The following SENP7 variants were observed in gnomAD, a reference collection of about 807,000 sequenced individuals.
The protein encoded by SENP7 is SUMO specific peptidase 7.
In SENP7, 64 loss-of-function variants were observed where a neutral mutation model predicts 141.2. The ratio of observed to expected loss-of-function variants is 0.45; its 90% CI spans 0.37 to 0.56. The LOEUF (loss-of-function observed/expected upper bound fraction) is 0.56. Among genes scored for constraint, SENP7 ranks in the 20% least tolerant of loss-of-function variants. SENP7 has a pLI of 0.00. For synonymous variants in SENP7, 382 were observed against 426.4 expected, an observed-to-expected ratio of 0.90 and a Z score of 1.28; for missense variants, 1,025 against 1,212.2, an observed-to-expected ratio of 0.85 and a Z score of 2.29.
intron 6 of SENP7, among the ~76,000 whole-genome samples, chr3:101,384,868 A>G (rs2060608317): frequency 6.6e-6 from 1 of 152,216 alleles, no homozygotes; most frequent in African/African-American, 2.4e-5. Flanking sequence ...CCAGAAGCAG[A>G]TGCTGCTATG....
chr3:101,372,126 C>A lies in SENP7; in HGVS notation c.678G>T (p.Arg226Ser). 1 of 1,513,410 alleles carries A rather than the reference C, an allele frequency of 6.6e-7. No homozygotes were observed. Among genetic ancestry groups the A allele is most frequent in the Non-Finnish European group, 9.0e-7 (1 of 1,111,818 alleles). The allele number at this position is 1,513,410 out of a possible 1,614,324, so 93.7% of individuals were successfully genotyped here. The change falls in exon 7 of 24, where the codon AGG (arginine) becomes AGT (serine). Residue 226 changes from arginine to serine, a missense_variant and splice_region_variant. Arg to Ser is a moderately radical substitution (Grantham distance 110, BLOSUM62 -1). Around this residue, in one of 4 missense-constraint regions of SENP7, gnomAD observed 496 missense variants for 503.5 expected, o/e 0.99. Coordinates refer to ENST00000394095, the MANE Select transcript of SENP7 (RefSeq NM_020654.5). ...NPHKSCYLSE[R>S]GSQRSKTVDD... ...CTACTGTCTTACTTCGTTGTGAGCCCCTGCAAAAGAGAACTGTATTATACT... is the reference window on the plus strand; with the variant it reads ...CTACTGTCTTACTTCGTTGTGAGCCACTGCAAAAGAGAACTGTATTATACT...
chr3:101,504,575 G>C (rs1000554756), intron 1 of SENP7, among the ~76,000 whole-genome samples: 1 of 152,048 alleles, frequency 6.6e-6, no homozygotes, highest in African/African-American at 2.4e-5. Context: ...TTAAATAAGT[G>C]ATAAGAAAGT....
intron 3 of SENP7, among the ~76,000 whole-genome samples, chr3:101,481,483 G>A (rs1236219775): frequency 6.6e-6 from 1 of 152,148 alleles, no homozygotes; most frequent in Non-Finnish European, 1.5e-5. Flanking sequence ...TAGAGGCTGG[G>A]AAGGGTGTAG....
chr3:101,371,056 G>A (rs1294817572), intron 7 of SENP7, among the ~76,000 whole-genome samples: 1 of 152,164 alleles, frequency 6.6e-6, no homozygotes, highest in Non-Finnish European at 1.5e-5. Flanking sequence ...TTGGGAAGCC[G>A]AGGCAGGCAG....
intron 11 of SENP7, chr3:101,358,759 C>A: frequency 6.4e-6 from 1 of 155,428 alleles, no homozygotes; most frequent in Non-Finnish European, 1.4e-5. Flanking sequence ...CTCGGCCTCC[C>A]AAGTAGCTGG....
intron 10 of SENP7, 77 bp from the exon 11 acceptor site, chr3:101,361,938 A>G (rs1000391176): frequency 1.4e-6 from 2 of 1,422,268 alleles, no homozygotes; most frequent in Non-Finnish European, 1.9e-6. Flanking sequence ...TCACCATCAA[A>G]TTCTTCTTTA....
intron 11 of SENP7, among the ~76,000 whole-genome samples, chr3:101,352,912 T>C (rs1023470832): frequency 2.0e-5 from 3 of 151,990 alleles, no homozygotes; most frequent in Non-Finnish European, 4.4e-5. Context: ...GAAAACCAAA[T>C]GTGAGGCAAT....
intron 3 of SENP7, among the ~76,000 whole-genome samples, chr3:101,487,431 TG>T (rs1350022586): frequency 2.6e-5 from 4 of 152,262 alleles, no homozygotes; most frequent in South Asian, 2.1e-4. Flanking sequence ...GATTTTGTTT[TG>T]TTTTTTTGCT....
At chr3:101,395,035 A>G (rs1483941205) in intron 6 of SENP7, among the ~76,000 whole-genome samples, 1 of 152,166 alleles carries the variant, frequency 6.6e-6, no homozygotes, top group Non-Finnish European at 1.5e-5. Context: ...TTCCTCATAT[A>G]TTCTGGGTAT....
chr3:101,393,955 C>T (rs552468956), intron 6 of SENP7, among the ~76,000 whole-genome samples: 2 of 152,282 alleles, frequency 1.3e-5, no homozygotes, highest in Admixed American at 1.3e-4. Context: ...TTTATCATTT[C>T]CATGTGTTGG....
At chr3:101,443,430 C>A (rs1198832349) in intron 4 of SENP7, among the ~76,000 whole-genome samples, 2 of 145,750 alleles carry the variant, frequency 1.4e-5, no homozygotes, top group African/African-American at 2.5e-5. Context: ...TTTGGCGATG[C>A]GGGCTCTTTT....
intron 6 of SENP7, among the ~76,000 whole-genome samples, chr3:101,377,695 A>T (rs1311344247): frequency 6.6e-6 from 1 of 152,240 alleles, no homozygotes; most frequent in Non-Finnish European, 1.5e-5. Context: ...AGCCTAATCA[A>T]GCAGGGGAAA....
intron 4 of SENP7, among the ~76,000 whole-genome samples, chr3:101,423,842 G>A (rs1370533538): frequency 6.6e-6 from 1 of 152,146 alleles, no homozygotes; most frequent in Non-Finnish European, 1.5e-5. Context: ...CTCCCGAAGG[G>A]TCTCTGGAAT....
chr3:101,382,328 T>TA (rs2060525752), intron 6 of SENP7, among the ~76,000 whole-genome samples: 2 of 152,066 alleles, frequency 1.3e-5, no homozygotes, highest in Admixed American at 6.5e-5. Context: ...AGGCACACAG[T>TA]ACTGCACCTG....
chr3:101,372,405 T>C (rs551782722), intron 6 of SENP7, among the ~76,000 whole-genome samples: 1 of 152,268 alleles, frequency 6.6e-6, no homozygotes, highest in South Asian at 2.1e-4. Context: ...AGTAATACTA[T>C]ACAAGTATTA....
intron 3 of SENP7, among the ~76,000 whole-genome samples, chr3:101,471,771 T>C (rs973671160): frequency 6.6e-6 from 1 of 151,978 alleles, no homozygotes; most frequent in African/African-American, 2.4e-5. Flanking sequence ...AGGGCTAATA[T>C]CCAGAATCTA....
At chr3:101,509,079 C>T (rs573423528) in intron 1 of SENP7, among the ~76,000 whole-genome samples, 3 of 152,218 alleles carry the variant, frequency 2.0e-5, no homozygotes, top group African/African-American at 4.8e-5. Flanking sequence ...TCATCCCTCT[C>T]TCCCATTTCT....
chr3:101,423,028 A>G (rs1043838697), intron 4 of SENP7, among the ~76,000 whole-genome samples: 5 of 152,300 alleles, frequency 3.3e-5, no homozygotes, highest in East Asian at 1.9e-4. Flanking sequence ...CCGGAAAATA[A>G]ACTAACAATT....
In SENP7 at chr3:101,417,794, T is replaced by C; in HGVS notation, c.285-4A>G. On this transcript the variant is annotated splice_region_variant and splice_polypyrimidine_tract_variant and intron_variant, in intron 4 of 23. Transcript: ENST00000394095. Reference sequence around the variant, plus strand: ...CGTCAACATAACTTTGAGTTGCCTGTTATACACATAAATAATTAGTATATA... The same window carrying C: ...CGTCAACATAACTTTGAGTTGCCTGCTATACACATAAATAATTAGTATATA... The C allele has an allele frequency of 6.2e-7, 1 of 1,608,024 alleles. No individual in the cohort carries two copies. Among genetic ancestry groups the C allele is most frequent in the Non-Finnish European group, 8.5e-7 (1 of 1,174,494 alleles).
Sources: gnomAD v4.1 joint callset for allele counts (sites outside exome capture counted in the v4.1 genomes callset) on GRCh38, gnomAD v4.1.1 for gene constraint, gnomAD v4.1.1 regional missense constraint, MANE v1.5 for transcripts, NCBI Gene and HGNC (gene_info 2026-07-23, HGNC 2026-07-21) for gene names.